Variants in AFG2A observed in about 807,000 individuals in gnomAD.
The protein encoded by AFG2A is AAA ATPase AFG2A, also known as ATPase family gene 2 protein homolog A.
At chr4:123,021,574 A>T in the AFG2A span, among the ~76,000 whole-genome samples, 1 of 152,242 alleles carries the variant, frequency 6.6e-6, no homozygotes, top group African/African-American at 2.4e-5. Context: ...ATTTTAGAGA[A>T]CTTCCATAAT....
chr4:123,130,082 C>T, the AFG2A span, among the ~76,000 whole-genome samples: 1 of 152,028 alleles, frequency 6.6e-6, no homozygotes, highest in Non-Finnish European at 1.5e-5. Context: ...AATCATAGCT[C>T]ATTGCAACCT....
chr4:123,162,652 T>C, the AFG2A span, among the ~76,000 whole-genome samples: 1 of 152,184 alleles, frequency 6.6e-6, no homozygotes, highest in African/African-American at 2.4e-5. Context: ...AGGTTACCTA[T>C]GTATAAATAA....
the AFG2A span, among the ~76,000 whole-genome samples, chr4:122,944,658 G>C: frequency 6.6e-6 from 1 of 152,092 alleles, no homozygotes; most frequent in Admixed American, 6.5e-5. Flanking sequence ...TCTCCGTCCA[G>C]CTTTGTTCTG....
At chr4:123,027,932 A>C in the AFG2A span, among the ~76,000 whole-genome samples, 1 of 151,036 alleles carries the variant, frequency 6.6e-6, no homozygotes, top group African/African-American at 2.4e-5. Context: ...ATGCTCAATC[A>C]TTTAAACAGT....
the AFG2A span, among the ~76,000 whole-genome samples, chr4:123,142,252 G>A: frequency 6.6e-6 from 1 of 152,086 alleles, no homozygotes; most frequent in East Asian, 1.9e-4. Flanking sequence ...ATGTAGGAAT[G>A]AATGTATGTA....
the AFG2A span, among the ~76,000 whole-genome samples, chr4:123,160,018 T>TTTG: frequency 0.035 from 5,258 of 151,764 alleles, 124 homozygotes; most frequent in Middle Eastern, 0.048. Flanking sequence ...ATCTTGTCTT[T>TTTG]TTGTTGTTGT....
At chr4:123,030,433 C>T in the AFG2A span, among the ~76,000 whole-genome samples, 19 of 152,028 alleles carry the variant, frequency 1.2e-4, no homozygotes, top group African/African-American at 3.9e-4. Flanking sequence ...GTAAATGATT[C>T]TTTGAAAGGT....
At chr4:122,931,661 G>GCCC in the AFG2A span, among the ~76,000 whole-genome samples, 1 of 152,124 alleles carries the variant, frequency 6.6e-6, no homozygotes, top group Non-Finnish European at 1.5e-5. Flanking sequence ...AGGTGCTAGT[G>GCCC]CTGGGATTCA....
the AFG2A span, among the ~76,000 whole-genome samples, chr4:123,142,727 ACTT>A: frequency 6.6e-6 from 1 of 152,150 alleles, no homozygotes; most frequent in Non-Finnish European, 1.5e-5. Flanking sequence ...TGTGAAAAGT[ACTT>A]CTTTACCTAA....
chr4:123,287,792 G>A, the AFG2A span, among the ~76,000 whole-genome samples: 2 of 152,192 alleles, frequency 1.3e-5, no homozygotes, highest in African/African-American at 4.8e-5. Context: ...AAGCAGGGAA[G>A]GAGAATGGGA....
chr4:123,208,736 T>C, the AFG2A span, among the ~76,000 whole-genome samples: 2 of 152,216 alleles, frequency 1.3e-5, no homozygotes, highest in Non-Finnish European at 2.9e-5. Context: ...GGATACTAAA[T>C]TGGTTCTTAT....
chr4:122,996,034 G>T, the AFG2A span, among the ~76,000 whole-genome samples: 123,325 of 152,156 alleles, frequency 0.81, 51,734 homozygotes, highest in East Asian at 0.96. Flanking sequence ...CTTTCCAAAA[G>T]AAATTACTAA....
chr4:123,234,649 G>A, the AFG2A span, among the ~76,000 whole-genome samples: 2 of 152,048 alleles, frequency 1.3e-5, no homozygotes, highest in African/African-American at 4.8e-5. Flanking sequence ...ATCAAATGAA[G>A]AAAAAGTATT....
At chr4:122,964,687 C>T in the AFG2A span, among the ~76,000 whole-genome samples, 1 of 152,060 alleles carries the variant, frequency 6.6e-6, no homozygotes, top group Admixed American at 6.6e-5. Flanking sequence ...GACAAATGTG[C>T]CTTCCACAGT....
chr4:123,128,155 G>C, the AFG2A span, among the ~76,000 whole-genome samples: 1 of 152,140 alleles, frequency 6.6e-6, no homozygotes, highest in African/African-American at 2.4e-5. Context: ...ATCTCTTTGT[G>C]TTCCACAAAT....
the AFG2A span, among the ~76,000 whole-genome samples, chr4:123,168,285 C>T: frequency 6.6e-6 from 1 of 152,140 alleles, no homozygotes. Flanking sequence ...ACCCCAAAAG[C>T]TCCTCACTGA....
the AFG2A span, among the ~76,000 whole-genome samples, chr4:123,047,524 A>G: frequency 6.6e-6 from 1 of 151,928 alleles, no homozygotes; most frequent in African/African-American, 2.4e-5. Context: ...TTGTCTCTTC[A>G]CTTTCTTAAT....
chr4:123,204,842 C>T, the AFG2A span, among the ~76,000 whole-genome samples: 1 of 152,158 alleles, frequency 6.6e-6, no homozygotes, highest in Non-Finnish European at 1.5e-5. Flanking sequence ...TGAACTGGCT[C>T]TTCCCAGTTT....
chr4:122,979,283 T>C, the AFG2A span: 2 of 1,614,214 alleles, frequency 1.2e-6, no homozygotes, highest in South Asian at 2.2e-5. Flanking sequence ...CTCCCTGATG[T>C]CAAGGTGGCT....
Sources: gnomAD v4.1 joint callset for allele counts (sites outside exome capture counted in the v4.1 genomes callset) on GRCh38, gnomAD v4.1.1 for gene constraint, MANE v1.5 for transcripts, NCBI Gene and HGNC (gene_info 2026-07-23, HGNC 2026-07-21) for gene names.